Variants in DCAF11 observed in about 807,000 individuals in gnomAD.
The protein encoded by DCAF11 is DDB1- and CUL4-associated factor 11.
In DCAF11, 44 loss-of-function variants were observed where a neutral mutation model predicts 76.1. The observed-to-expected ratio is 0.58, with a 90% CI of 0.45 to 0.74. The LOEUF is 0.74. Ranked by LOEUF, DCAF11 falls within the 30% of genes least tolerant of loss-of-function variation. The pLI is 0.00. For missense variants in DCAF11, 604 were observed against 709.4 expected (o/e 0.85, Z 1.69); for synonymous variants, 258 against 255.0 (o/e 1.01, Z -0.11).
Position 24,115,459 on chromosome 14 carries a change from G to T in DCAF11, c.-136G>T. The T allele has an allele frequency of 1.6e-6, 2 of 1,288,766 alleles. No homozygotes were observed. Among genetic ancestry groups the T allele is most frequent in the Non-Finnish European group, 2.1e-6 (2 of 954,556 alleles). The allele number at this position is 1,288,766 out of a possible 1,614,324, so 79.8% of individuals were successfully genotyped here. A position where few individuals can be genotyped will look rare whatever the true frequency, so the allele number is the denominator to read the frequency against. ...AAAAGGGATCTCAGCCCCGAGGAAG[G>T]GTCACCCTCCTAGAGATAGCTACTA... On this transcript the variant is annotated 5_prime_UTR_variant, in exon 2 of 15. Transcript: ENST00000446197.
rs578153282 is a variant in DCAF11 at position 24,115,639 on chromosome 14, C to A, written c.45C>A (p.Asp15Glu). 1.9e-6 allele frequency: 3 copies of A among 1,613,858 alleles called. No individual in the cohort carries two copies. Among genetic ancestry groups the A allele is most frequent in the Non-Finnish European group, 2.5e-6 (3 of 1,179,884 alleles). ...NSSSAGSGSG[D>E]PSEGLPRRGA... is the part of the protein sequence containing the mutation. ...GCAGTGCAGGATCCGGGTCCGGAGA[C>A]CCCTCCGAGGGCTTGCCCCGAAGAG... Residue 15 changes from aspartate (D) to glutamate (E), a missense_variant, in exon 2 of 15, where the codon GAC (aspartate) becomes GAA (glutamate). Asp to Glu is a conservative substitution (Grantham distance 45). Coordinates refer to ENST00000446197, the MANE Select transcript of DCAF11 (RefSeq NM_025230.5).
Position 24,115,609 on chromosome 14 carries a change from C to T in DCAF11, c.15C>T (p.Asn5=). 6.2e-7 allele frequency: 1 copy of T among 1,613,090 alleles called. No homozygotes were observed. Among genetic ancestry groups the T allele is most frequent in the Non-Finnish European group, 8.5e-7 (1 of 1,179,506 alleles). The part of the protein sequence containing the change: MGSR[N]SSSAGSGSGD... ...GTGACCAGAAGATGGGATCGCGGAA[C>T]AGCAGCAGTGCAGGATCCGGGTCCG... The change falls in exon 2 of 15, where the codon AAC becomes AAT. Residue 5 remains asparagine, a synonymous_variant. Coordinates refer to ENST00000446197, the MANE Select transcript of DCAF11 (RefSeq NM_025230.5).
intron 8 of DCAF11, 71 bp from the exon 9 acceptor site, chr14:24,119,074 G>T: frequency 6.3e-7 from 1 of 1,594,348 alleles, no homozygotes; most frequent in Non-Finnish European, 8.6e-7. Flanking sequence ...CCTTACAACC[G>T]TTGTCAGATT....
At position 24,117,630 on chromosome 14, in the gene DCAF11, A is replaced by G. The variant is rs749563515; in HGVS notation, c.412-38A>G. 6.2e-7 allele frequency: 1 copy of G among 1,606,654 alleles called. No individual in the cohort carries two copies. The highest frequency in any genetic ancestry group is 8.5e-7 in the Non-Finnish European group (1 of 1,174,602). ...CTTGATATGGCTGAAGTGGCCCTCT[A>G]TTTCTGCTAGCAATATTCCCCAATC... On this transcript the variant is annotated intron_variant, in intron 4 of 14. Transcript: ENST00000446197. This position sits in a 1 kb window ranked among gnomAD's most constrained non-coding sequence, Gnocchi z 4.3.
At position 24,117,106 on chromosome 14, in the gene DCAF11, G is replaced by T; in HGVS notation, c.283+62G>T. The T allele has an allele frequency of 6.2e-7, 1 of 1,612,450 alleles. No homozygotes were observed. Among genetic ancestry groups the T allele is most frequent in the South Asian group, 1.1e-5 (1 of 90,920 alleles). On this transcript the variant is annotated intron_variant, in intron 3 of 14. Coordinates refer to ENST00000446197, the MANE Select transcript of DCAF11 (RefSeq NM_025230.5). The surrounding 1 kb of genome is among the most constrained non-coding windows in gnomAD (Gnocchi z 4.3). Reference sequence around the variant, plus strand: ...CTAGAAAACCTTTTAGTGATATTTTGAATGATAGGTTACATTGAAAGAAGG... The same window carrying T: ...CTAGAAAACCTTTTAGTGATATTTTTAATGATAGGTTACATTGAAAGAAGG...
At chr14:24,119,329 C>T in intron 9 of DCAF11, 116 bp downstream of exon 9, 2 of 1,395,126 alleles carry the variant, frequency 1.4e-6, no homozygotes, top group East Asian at 2.3e-5. Flanking sequence ...GACCTTCTCC[C>T]AAGGTCAGGA....
chr14:24,116,129 C>T (rs891128668), intron 2 of DCAF11, among the ~76,000 whole-genome samples: 1 of 151,568 alleles, frequency 6.6e-6, no homozygotes, highest in Non-Finnish European at 1.5e-5. Flanking sequence ...TTTAGTAAGG[C>T]AGTTGACACA....
At chr14:24,116,843 G>C (rs1477013507) in intron 2 of DCAF11, 74 bp from the exon 3 acceptor site, 1 of 1,603,840 alleles carries the variant, frequency 6.2e-7, no homozygotes, top group Non-Finnish European at 8.5e-7. Flanking sequence ...CTAAGAGCTA[G>C]ATAGCCATTG....
chr14:24,121,793 T>C (rs961866077), intron 13 of DCAF11: 5 of 374,718 alleles, frequency 1.3e-5, no homozygotes. Flanking sequence ...AGGTTGCAGA[T>C]GAAAGGTAGG....
Position 24,117,427 on chromosome 14 carries a change from C to T in DCAF11, c.411+34C>T. On this transcript the variant is annotated intron_variant, in intron 4 of 14. Coordinates refer to ENST00000446197, the MANE Select transcript of DCAF11 (RefSeq NM_025230.5). The surrounding 1 kb of genome is among the most constrained non-coding windows in gnomAD (Gnocchi z 4.3). ...CTCCACCTCCCAGCCTGGCAGCAGG[C>T]CTGCCAAAGCAGCCAGAAGCTCTGC... 1 of 1,611,524 alleles carries T rather than the reference C, an allele frequency of 6.2e-7. No homozygotes were observed. Among genetic ancestry groups the T allele is most frequent in the Non-Finnish European group, 8.5e-7 (1 of 1,178,464 alleles).
intron 2 of DCAF11, 92 bp from the exon 3 acceptor site, chr14:24,116,825 C>A: frequency 1.3e-6 from 2 of 1,573,556 alleles, no homozygotes; most frequent in South Asian, 2.3e-5. Flanking sequence ...AAATGAGTAC[C>A]AAGTGGTCTA....
chr14:24,120,802 GCT>G (rs897532179), intron 11 of DCAF11, 34 bp from the exon 12 acceptor site: 1 of 1,607,624 alleles, frequency 6.2e-7, no homozygotes, highest in Non-Finnish European at 8.5e-7. Flanking sequence ...ACATTTGCAA[GCT>G]CTGATGCTTC....
At position 24,121,434 on chromosome 14, in the gene DCAF11, C is replaced by T. The variant is rs1283054662; in HGVS notation, c.1316C>T (p.Thr439Ile). 2 of 1,614,232 alleles carry T rather than the reference C, an allele frequency of 1.2e-6. No individual in the cohort carries two copies. Residue 439 changes from threonine to isoleucine, a missense_variant, in exon 13 of 15, where the codon ACC becomes ATC. Transcript: ENST00000446197. ...MTYRGHGVLHTLIRCRFSPIH... is the reference protein window; with the variant it reads ...MTYRGHGVLHILIRCRFSPIH... ...TACCGGGGCCACGGAGTGCTGCACA[C>T]CCTCATCCGCTGCCGGTTCTCCCCC... is the stretch of plus-strand genomic sequence containing the variant.
rs753317391 is a variant in DCAF11 at position 24,117,760 on chromosome 14, C to CT, written c.476+29dup. 4.3e-6 allele frequency: 7 copies of CT among 1,609,760 alleles called. No homozygotes were observed. Among genetic ancestry groups the CT allele is most frequent in the Non-Finnish European group, 5.9e-6 (7 of 1,176,702 alleles). On this transcript the variant is annotated intron_variant, in intron 5 of 14. Transcript: ENST00000446197. The surrounding 1 kb of genome is among the most constrained non-coding windows in gnomAD (Gnocchi z 4.3). ...GAGTATGGGGCTTGGTGAAGAGACT[C>CT]TAAGGGCCAGATAGGTCTTATCTCC...
In DCAF11 at chr14:24,124,905, A is replaced by G. The variant is rs1134334; in HGVS notation, c.*1596A>G. The G allele has an allele frequency of 0.35, 53,690 of 152,122 alleles. 10,088 individuals are homozygous for G. The highest frequency in any genetic ancestry group is 0.63 in the East Asian group (3,238 of 5,158). The allele number at this position is 152,122 out of a possible 1,614,324, so 9.4% of individuals were successfully genotyped here. On this transcript the variant is annotated 3_prime_UTR_variant, in exon 15 of 15. Coordinates refer to ENST00000446197, the MANE Select transcript of DCAF11 (RefSeq NM_025230.5). ...AAAAATACAAAAAAACTAGCCGGAT[A>G]TGGTGGCGGGTGCCTGTAATCTCAG...
rs1331984536 is a variant in DCAF11, at chr14:24,119,185, T to G, written c.820T>G (p.Ser274Ala). Residue 274 changes from serine to alanine, a missense_variant, in exon 9 of 15, where the codon TCC becomes GCC. By Grantham distance (99) the Ser-to-Ala change is moderately conservative. Coordinates refer to ENST00000446197, the MANE Select transcript of DCAF11 (RefSeq NM_025230.5). ...CTTTGCTGTCTTCTCCATTGCTGTCTCCTCAGATGGACGAGAAGTACTAGG... is the reference window on the plus strand; with the variant it reads ...CTTTGCTGTCTTCTCCATTGCTGTCGCCTCAGATGGACGAGAAGTACTAGG... ...RRFAVFSIAV[S>A]SDGREVLGGA... 1 of 1,614,098 alleles carries G rather than the reference T, an allele frequency of 6.2e-7. No individual in the cohort carries two copies. Among genetic ancestry groups the G allele is most frequent in the Non-Finnish European group, 8.5e-7 (1 of 1,180,030 alleles).
intron 11 of DCAF11, among the ~76,000 whole-genome samples, chr14:24,120,569 G>C (rs1270898378): frequency 6.6e-6 from 1 of 151,938 alleles, no homozygotes; most frequent in East Asian, 1.9e-4. Context: ...AAAAAAATTA[G>C]TTAATTAAAA....
rs2139018274 is a variant in DCAF11, at chr14:24,119,715, A to C, written c.911A>C (p.Glu304Ala). The C allele has an allele frequency of 6.2e-7, 1 of 1,614,222 alleles. No individual in the cohort carries two copies. Among genetic ancestry groups the C allele is most frequent in the East Asian group, 2.2e-5 (1 of 44,884 alleles). ...REQNRRTLQI[E>A]SHEDDVNAVA... ...CCTGGCCTCCTTTTCGCCTAGATTGAGTCCCATGAGGATGATGTGAATGCA... is the reference window on the plus strand; with the variant it reads ...CCTGGCCTCCTTTTCGCCTAGATTGCGTCCCATGAGGATGATGTGAATGCA... The change falls in exon 11 of 15, where the codon GAG becomes GCG. Residue 304 changes from glutamate (E) to alanine (A), a missense_variant. By Grantham distance (107) the Glu-to-Ala change is moderately radical (BLOSUM62 -1). Transcript: ENST00000446197.
intron 2 of DCAF11, 108 bp downstream of exon 2, chr14:24,115,857 G>T: frequency 7.1e-7 from 1 of 1,403,916 alleles, no homozygotes; most frequent in Non-Finnish European, 9.6e-7. Context: ...GCTCAGGACA[G>T]CTGTTCTGTT....
Sources: gnomAD v4.1 joint callset for allele counts (sites outside exome capture counted in the v4.1 genomes callset) on GRCh38, gnomAD v4.1.1 for gene constraint, Gnocchi (gnomAD v3.1) non-coding constraint, MANE v1.5 for transcripts, NCBI Gene and HGNC (gene_info 2026-07-23, HGNC 2026-07-21) for gene names.